The following ACSL5 variants were observed in gnomAD, a reference collection of about 807,000 sequenced individuals.
ACSL5 encodes long-chain-fatty-acid--CoA ligase 5.
ACSL5 carries 50 observed loss-of-function variants against 84.9 expected under a neutral mutation model. The ratio of observed to expected loss-of-function variants is 0.59; its 90% CI spans 0.47 to 0.75. The LOEUF (loss-of-function observed/expected upper bound fraction) is 0.75. Ranked by LOEUF, ACSL5 falls within the 30% of genes least tolerant of loss-of-function variation. The probability of loss-of-function intolerance (pLI) is 0.00; values close to 1 mark genes in which losing one functional copy is unlikely to be tolerated. For missense variants in ACSL5, 775 were observed against 830.4 expected (o/e 0.93, Z 0.82); for synonymous variants, 280 against 300.7 (o/e 0.93, Z 0.71).
At chr10:112,418,048 C>T (rs2133652305) in intron 14 of ACSL5, 107 bp downstream of exon 14, 3 of 854,824 alleles carry the variant, frequency 3.5e-6, no homozygotes, top group Non-Finnish European at 5.2e-6. Flanking sequence ...ATGAAAGTCA[C>T]CTAAATTCTC....
chr10:112,425,719 T>C (rs1844652967), intron 18 of ACSL5: 2 of 374,622 alleles, frequency 5.3e-6, no homozygotes, highest in Non-Finnish European at 9.4e-6. Flanking sequence ...ATGGCTATAC[T>C]AAAAGGTAAT....
At chr10:112,397,167 T>G (rs576806056) in intron 2 of ACSL5, among the ~76,000 whole-genome samples, 134 of 126,368 alleles carry the variant, frequency 1.1e-3, no homozygotes, top group African/African-American at 3.6e-3. Flanking sequence ...TACTCCCTTT[T>G]TCTTTTTTTT....
chr10:112,395,422 G>A (rs753582510), intron 2 of ACSL5, among the ~76,000 whole-genome samples: 15 of 152,126 alleles, frequency 9.9e-5, no homozygotes, highest in Non-Finnish European at 5.9e-5. Context: ...AAACAAAAAT[G>A]GGAAAGATGA....
rs772751864 is a variant in ACSL5, at chr10:112,398,920, T to A, written c.176T>A (p.Val59Asp). The A allele has an allele frequency of 6.2e-7, 1 of 1,613,370 alleles. No homozygotes were observed. Among genetic ancestry groups the A allele is most frequent in the East Asian group, 2.2e-5 (1 of 44,852 alleles). ...TCTTAGGGAGGAGCACGGAAGGGGG[T>A]TTCCCAGAAGAACAATGACCTAACA... ...VGIEGGARKGVSQKNNDLTSC... is the reference protein window; with the variant it reads ...VGIEGGARKGDSQKNNDLTSC... The change falls in exon 3 of 21, where the codon GTT becomes GAT. Residue 59 changes from valine (V) to aspartate (D), a missense_variant. Transcript: ENST00000354655.
intron 2 of ACSL5, chr10:112,395,772 C>T (rs1310482611): frequency 1.3e-5 from 2 of 152,250 alleles, no homozygotes; most frequent in Non-Finnish European, 2.9e-5. Flanking sequence ...CTGTTTTCAT[C>T]TTCTACCCTC....
chr10:112,380,674 T>C (rs904958022), intron 1 of ACSL5, among the ~76,000 whole-genome samples: 1 of 152,142 alleles, frequency 6.6e-6, no homozygotes, highest in Non-Finnish European at 1.5e-5. Flanking sequence ...CAGACAACAG[T>C]TGAGAAAGAT....
At chr10:112,426,150 T>C (rs768935486) in intron 18 of ACSL5, 108 bp from the exon 19 acceptor site, 20 of 844,688 alleles carry the variant, frequency 2.4e-5, no homozygotes, top group Non-Finnish European at 3.4e-5. Context: ...ATTTAAGGTT[T>C]TGGGGAAATA....
In ACSL5 at chr10:112,426,854, G is replaced by A. The variant is rs879844721; in HGVS notation, c.1906G>A (p.Glu636Lys). The part of the protein sequence containing the change: ...IGKESGLKTF[E>K]QVKAIFLHPE... Reference sequence around the variant, plus strand: ...GAAAGAAAGTGGCCTTAAAACTTTTGAACAGGTGTGTGCTACCACTGATGT... The same window carrying A: ...GAAAGAAAGTGGCCTTAAAACTTTTAAACAGGTGTGTGCTACCACTGATGT... Residue 636 changes from glutamate to lysine, a missense_variant, in exon 20 of 21, where the codon GAA (glutamate) becomes AAA (lysine). Coordinates refer to ENST00000354655, the MANE Select transcript of ACSL5 (RefSeq NM_203379.2). 5 of 1,611,300 alleles carry A rather than the reference G, an allele frequency of 3.1e-6. No individual in the cohort carries two copies. Among genetic ancestry groups the A allele is most frequent in the Admixed American group, 1.7e-5 (1 of 60,002 alleles).
At chr10:112,425,215 C>A in intron 17 of ACSL5, 123 bp from the exon 18 acceptor site, 1 of 842,086 alleles carries the variant, frequency 1.2e-6, no homozygotes, top group Non-Finnish European at 1.8e-6. Flanking sequence ...AAATGAAAGA[C>A]AGCTCAAAAG....
intron 3 of ACSL5, 39 bp downstream of exon 3, chr10:112,399,048 G>A (rs770362427): frequency 2.6e-6 from 4 of 1,528,188 alleles, no homozygotes; most frequent in Non-Finnish European, 3.6e-6. Flanking sequence ...AGAAGACAAG[G>A]TGAGGTCTGT....
intron 1 of ACSL5, among the ~76,000 whole-genome samples, chr10:112,391,359 A>C (rs1843633366): frequency 8.3e-6 from 1 of 120,460 alleles, no homozygotes; most frequent in African/African-American, 2.8e-5. Flanking sequence ...GCAGAGCCAG[A>C]CTGTGCCTCA....
In ACSL5 at chr10:112,417,803, C is replaced by T. The variant is rs370112102; in HGVS notation, c.1219-43C>T. The T allele has an allele frequency of 5.1e-6, 8 of 1,556,516 alleles. No homozygotes were observed. The African/African-American group carries it at 8.1e-5, about 16-fold the overall frequency. On this transcript the variant is annotated intron_variant, in intron 13 of 20. Coordinates refer to ENST00000354655, the MANE Select transcript of ACSL5 (RefSeq NM_203379.2). ...ACTCTACAGTGGAGGAAATTGAAGCCAAGAGAATAGGTTTTAGTATGTCTT... is the reference window on the plus strand; with the variant it reads ...ACTCTACAGTGGAGGAAATTGAAGCTAAGAGAATAGGTTTTAGTATGTCTT...
At chr10:112,399,128 C>A in intron 3 of ACSL5, 119 bp downstream of exon 3, 1 of 804,792 alleles carries the variant, frequency 1.2e-6, no homozygotes, top group Admixed American at 2.2e-5. Flanking sequence ...CAAGTAGAAT[C>A]GCAACATGCA....
rs545315876 is a variant in ACSL5, at chr10:112,402,379, A to T, written c.266-2132A>T. On this transcript the variant is annotated intron_variant, in intron 3 of 20. Coordinates refer to ENST00000354655, the MANE Select transcript of ACSL5 (RefSeq NM_203379.2). ...TACAATACAAATGATAATAGCTGGG[A>T]AGATGAGTTAATGTGCCTGGCATGG... Among the ~76,000 whole-genome samples the T allele has an allele frequency of 2.6e-5, 4 of 152,290 alleles. No homozygotes were observed. The South Asian group carries it at 8.3e-4, about 32-fold the overall frequency.
chr10:112,379,297 C>T (rs1456520977), intron 1 of ACSL5, among the ~76,000 whole-genome samples: 1 of 151,516 alleles, frequency 6.6e-6, no homozygotes, highest in East Asian at 1.9e-4. Context: ...CCCAGCTACT[C>T]GGGAGGCTGA....
At chr10:112,410,217 A>C in intron 7 of ACSL5, 1 of 1,503,206 alleles carries the variant, frequency 6.7e-7, no homozygotes, top group South Asian at 1.2e-5. Flanking sequence ...GAAACTTAAG[A>C]GTACAATGGG....
At chr10:112,376,405 C>T in intron 1 of ACSL5, 1 of 1,614,078 alleles carries the variant, frequency 6.2e-7, no homozygotes, top group Non-Finnish European at 8.5e-7. Context: ...AGCCGGGAAG[C>T]CCCCATTCAC....
At chr10:112,411,268 A>T in intron 9 of ACSL5, 188 bp from the exon 10 acceptor site, 1 of 590,196 alleles carries the variant, frequency 1.7e-6, no homozygotes, top group East Asian at 2.8e-5. Context: ...CGATGCATTC[A>T]GCAGTAGAAT....
At chr10:112,392,568 C>G (rs1276429770) in intron 1 of ACSL5, among the ~76,000 whole-genome samples, 1 of 151,960 alleles carries the variant, frequency 6.6e-6, no homozygotes, top group Non-Finnish European at 1.5e-5. Context: ...AGTGAAACCC[C>G]GTCTCTACTA....
Sources: gnomAD v4.1 joint callset for allele counts (sites outside exome capture counted in the v4.1 genomes callset) on GRCh38, gnomAD v4.1.1 for gene constraint, MANE v1.5 for transcripts, NCBI Gene and HGNC (gene_info 2026-07-23, HGNC 2026-07-21) for gene names.